Variants in EIF4A3 observed in about 807,000 individuals in gnomAD.
The protein encoded by EIF4A3 is eukaryotic translation initiation factor 4A3, also known as eukaryotic initiation factor 4A-III.
EIF4A3 carries 1 observed loss-of-function variant against 55.6 expected under a neutral mutation model. The observed-to-expected ratio is 0.02, with a 90% CI of 0.01 to 0.09. The LOEUF (loss-of-function observed/expected upper bound fraction) is 0.09. Ranked by LOEUF, EIF4A3 falls within the 10% of genes least tolerant of loss-of-function variation. The pLI, the probability that EIF4A3 is intolerant of heterozygous loss-of-function variation, is 1.00. For synonymous variants in EIF4A3, 194 were observed against 196.3 expected (o/e 0.99, Z 0.10); for missense variants, 221 against 540.7 (o/e 0.41, Z 5.86).
At chr17:80,136,574 T>C (rs1363646371) in intron 9 of EIF4A3, 28 of 530,904 alleles carry the variant, frequency 5.3e-5, no homozygotes, top group South Asian at 4.7e-4. Flanking sequence ...ATTAAAAAAA[T>C]AGACATCTTT....
At chr17:80,144,303 T>G in intron 1 of EIF4A3, 59 bp from the exon 2 acceptor site, 1 of 1,510,728 alleles carries the variant, frequency 6.6e-7, no homozygotes, top group South Asian at 1.1e-5. Context: ...AACCCTGTAC[T>G]GTGAGCTCCT....
Position 80,135,447 on chromosome 17 carries a change from C to T in EIF4A3, c.*43G>A, listed in dbSNP as rs1251481640. On this transcript the variant is annotated 3_prime_UTR_variant, in exon 12 of 12. Coordinates refer to ENST00000649764, the MANE Select transcript of EIF4A3 (RefSeq NM_014740.4). ...ATCTAAATACTTCCAAACAGGAGTA[C>T]ACAGCAGGTGAACAGTCTCCCTCAT... The T allele has an allele frequency of 1.9e-5, 30 of 1,544,518 alleles. No homozygotes were observed. The highest frequency in any genetic ancestry group is 2.8e-5 in the African/African-American group (2 of 72,504).
chr17:80,136,239 C>T lies in EIF4A3; in HGVS notation c.1080G>A (p.Leu360=), dbSNP rs753479261. Residue 360 remains leucine, a synonymous_variant, in exon 10 of 12, where the codon TTG becomes TTA. Transcript: ENST00000649764. ...INYDLPNNRE[L]YIHRIGRSGR... ...AGCTTGCACCTTACCTGTGTATGTA[C>T]AATTCTCTGTTATTAGGGAGATCAT... The T allele has an allele frequency of 4.3e-6, 7 of 1,613,994 alleles. No homozygotes were observed. The highest frequency in any genetic ancestry group is 1.6e-4 in the Middle Eastern group (1 of 6,062).
At chr17:80,142,727 G>A (rs1214423463) in intron 2 of EIF4A3, among the ~76,000 whole-genome samples, 1 of 152,080 alleles carries the variant, frequency 6.6e-6, no homozygotes, top group South Asian at 2.1e-4. Flanking sequence ...CCTGGGTGAC[G>A]AAGTGAGGCC....
At position 80,134,517 on chromosome 17, in the gene EIF4A3, CAAA is replaced by C. The variant is rs926415042; in HGVS notation, c.*970_*972del. ...AGATCCTGGGCTCTCAAAAAAACAA[CAAA>C]AAAAAAAAATTAGAAAAATGAGGCC... On this transcript the variant is annotated 3_prime_UTR_variant, in exon 12 of 12. Transcript: ENST00000649764. Among the ~76,000 whole-genome samples, 16 of 145,654 alleles carry C rather than the reference CAAA, an allele frequency of 1.1e-4. No individual in the cohort carries two copies. Among genetic ancestry groups the C allele is most frequent in the African/African-American group, 2.3e-4 (9 of 39,286 alleles).
intron 6 of EIF4A3, 147 bp from the exon 7 acceptor site, chr17:80,139,309 A>G: frequency 9.5e-7 from 1 of 1,054,124 alleles, no homozygotes; most frequent in Non-Finnish European, 1.3e-6. Flanking sequence ...GCACCAGGCC[A>G]CATCCACGCG....
intron 8 of EIF4A3, 134 bp from the exon 9 acceptor site, chr17:80,137,635 T>C: frequency 1.4e-6 from 1 of 698,216 alleles, no homozygotes; most frequent in South Asian, 2.0e-5. Flanking sequence ...CTCAGAATCA[T>C]CCTAACTGGA....
Position 80,136,319 on chromosome 17 carries a change from T to C in EIF4A3, c.1000A>G (p.Thr334Ala). 1 of 1,613,880 alleles carries C rather than the reference T, an allele frequency of 6.2e-7. No individual in the cohort carries two copies. Among genetic ancestry groups the C allele is most frequent in the Non-Finnish European group, 8.5e-7 (1 of 1,179,890 alleles). The change falls in exon 10 of 12, where the codon ACA (threonine) becomes GCA (alanine). Residue 334 changes from threonine (T) to alanine (A), a missense_variant. Around this residue, in one of 4 missense-constraint regions of EIF4A3, gnomAD observed 93 missense variants for 278.5 expected, o/e 0.33. Coordinates refer to ENST00000649764, the MANE Select transcript of EIF4A3 (RefSeq NM_014740.4). ...TCCAACCCCCTGGCCCAGACATCTGTAGAAATAAGCACTCGGCTGCAAAAA... is the reference window on the plus strand; with the variant it reads ...TCCAACCCCCTGGCCCAGACATCTGCAGAAATAAGCACTCGGCTGCAAAAA... ...RSGASRVLISTDVWARGLDVP... is the reference protein window; with the variant it reads ...RSGASRVLISADVWARGLDVP...
chr17:80,137,562 C>A, intron 8 of EIF4A3, 61 bp from the exon 9 acceptor site: 1 of 1,322,388 alleles, frequency 7.6e-7, no homozygotes, highest in Non-Finnish European at 1.1e-6. Context: ...GATGTGCATT[C>A]GGGACTTTAC....
chr17:80,146,671 C>T, intron 1 of EIF4A3, 122 bp downstream of exon 1: 1 of 1,233,016 alleles, frequency 8.1e-7, no homozygotes, highest in Non-Finnish European at 1.1e-6. Context: ...GGCCCCCGAG[C>T]CTCGACCCTG....
At position 80,139,993 on chromosome 17, in the gene EIF4A3, G is replaced by C. The variant is rs201499380; in HGVS notation, c.505+15C>G. 4 of 1,605,860 alleles carry C rather than the reference G, an allele frequency of 2.5e-6. No homozygotes were observed. The highest frequency in any genetic ancestry group is 3.4e-6 in the Non-Finnish European group (4 of 1,175,862). On this transcript the variant is annotated intron_variant, in intron 5 of 11. Transcript: ENST00000649764. ...TACTACCGGCAGCACCATTTTTAGC[G>C]ACAAAAGTGCTTACCAAAAACACGC... is the stretch of plus-strand genomic sequence containing the variant.
At chr17:80,137,337 C>A in intron 9 of EIF4A3, 49 bp downstream of exon 9, 1 of 1,542,950 alleles carries the variant, frequency 6.5e-7, no homozygotes, top group Non-Finnish European at 8.9e-7. Flanking sequence ...AGTGCTTAGA[C>A]ACAGTCTAGC....
intron 9 of EIF4A3, 145 bp from the exon 10 acceptor site, chr17:80,136,480 G>T: frequency 1.5e-6 from 1 of 660,486 alleles, no homozygotes; most frequent in Non-Finnish European, 2.6e-6. Context: ...GTCTGCAAAC[G>T]TGAAGCCTCA....
intron 1 of EIF4A3, among the ~76,000 whole-genome samples, chr17:80,144,966 T>C (rs1403357622): frequency 1.1e-4 from 16 of 152,260 alleles, no homozygotes; most frequent in Admixed American, 1.0e-3. Context: ...TCAATTATTT[T>C]TTGGTAGTCT....
rs1367390749 is a variant in EIF4A3 at position 80,134,496 on chromosome 17, C to A, written c.*994G>T. On this transcript the variant is annotated 3_prime_UTR_variant, in exon 12 of 12. Transcript: ENST00000649764. The stretch of plus-strand genomic sequence containing the variant: ...ACTCCTGCCTGGGCGACAGGGAGAT[C>A]CTGGGCTCTCAAAAAAACAACAAAA... Among the ~76,000 whole-genome samples, 1 of 150,514 alleles carries A rather than the reference C, an allele frequency of 6.6e-6. No homozygotes were observed. The highest frequency in any genetic ancestry group is 1.5e-5 in the Non-Finnish European group (1 of 67,554).
intron 5 of EIF4A3, 67 bp downstream of exon 5, chr17:80,139,941 C>A: frequency 6.3e-7 from 1 of 1,580,890 alleles, no homozygotes; most frequent in Non-Finnish European, 8.6e-7. Flanking sequence ...GAAAGCTGTC[C>A]TGTACCATTT....
chr17:80,140,277 C>CCTGCT (rs2039606566), intron 4 of EIF4A3, 137 bp from the exon 5 acceptor site: 1 of 1,124,032 alleles, frequency 8.9e-7, no homozygotes, highest in Non-Finnish European at 1.2e-6. Context: ...ACAAAATTCT[C>CCTGCT]CTGCTCTTTT....
At chr17:80,143,813 C>G (rs1016991298) in intron 2 of EIF4A3, among the ~76,000 whole-genome samples, 4 of 151,662 alleles carry the variant, frequency 2.6e-5, no homozygotes, top group Non-Finnish European at 4.4e-5. Flanking sequence ...ACCCCCGTCT[C>G]TACTAAAAAT....
At chr17:80,139,778 C>A (rs780545070) in intron 5 of EIF4A3, 28 bp from the exon 6 acceptor site, 2 of 1,598,696 alleles carry the variant, frequency 1.3e-6, no homozygotes, top group Non-Finnish European at 8.6e-7. Context: ...GAAATACTTA[C>A]GACAAATCAC....
Sources: allele counts gnomAD v4.1 joint callset (sites outside exome capture counted in the v4.1 genomes callset), GRCh38; gene constraint gnomAD v4.1.1; regional missense constraint gnomAD v4.1.1; transcripts MANE v1.5; gene names NCBI Gene and HGNC (gene_info 2026-07-23, HGNC 2026-07-21).